SLC24A2: variants seen among roughly 807,000 people sequenced by gnomAD.
SLC24A2 encodes solute carrier family 24 member 2, also known as sodium/potassium/calcium exchanger 2.
SLC24A2 carries 36 observed loss-of-function variants against 62.0 expected under a neutral mutation model. That is an observed-to-expected ratio of 0.58 (90% CI 0.44 to 0.77). SLC24A2 has a LOEUF of 0.77. SLC24A2 is among the 30% of genes least tolerant of loss of function. The pLI is 0.00. For missense variants in SLC24A2, 846 were observed against 817.9 expected (o/e 1.03, Z -0.42); for synonymous variants, 358 against 294.0 (o/e 1.22, Z -2.23).
At chr9:20,104,959 T>C in the SLC24A2 span, among the ~76,000 whole-genome samples, 26 of 152,260 alleles carry the variant, frequency 1.7e-4, no homozygotes, top group Admixed American at 7.2e-4. Context: ...ACCCATCTCA[T>C]GTGCAGAGAC....
the SLC24A2 span, among the ~76,000 whole-genome samples, chr9:20,039,976 C>T: frequency 6.6e-6 from 1 of 152,150 alleles, no homozygotes; most frequent in Non-Finnish European, 1.5e-5. Context: ...TCATCTTTTC[C>T]GTTTCCCAGC....
At chr9:20,109,992 G>A in the SLC24A2 span, among the ~76,000 whole-genome samples, 1 of 152,110 alleles carries the variant, frequency 6.6e-6, no homozygotes, top group Non-Finnish European at 1.5e-5. Flanking sequence ...CAAAGAAACT[G>A]TGTTCTTTTT....
chr9:19,797,628 C>A, the SLC24A2 span, among the ~76,000 whole-genome samples: 1 of 152,202 alleles, frequency 6.6e-6, no homozygotes. Context: ...GTTCTCTAAG[C>A]TCTTCTCTGA....
At chr9:19,724,929 C>G (rs547211518) in intron 2 of SLC24A2, among the ~76,000 whole-genome samples, 4 of 152,220 alleles carry the variant, frequency 2.6e-5, no homozygotes, top group Admixed American at 1.3e-4. Flanking sequence ...ACCTCAAGCG[C>G]CAGTCAAATC....
chr9:19,829,701 G>A, the SLC24A2 span, among the ~76,000 whole-genome samples: 1 of 150,314 alleles, frequency 6.7e-6, no homozygotes, highest in Admixed American at 6.6e-5. Flanking sequence ...ACTGTTCCAG[G>A]CTGGATGACA....
the SLC24A2 span, among the ~76,000 whole-genome samples, chr9:20,261,803 G>T: frequency 2.4e-5 from 3 of 126,624 alleles, no homozygotes; most frequent in Non-Finnish European, 4.7e-5. Flanking sequence ...GCAGTGGCAC[G>T]ATCTCGGCTC....
the SLC24A2 span, among the ~76,000 whole-genome samples, chr9:20,193,061 C>T: frequency 6.6e-6 from 1 of 152,098 alleles, no homozygotes; most frequent in Non-Finnish European, 1.5e-5. Flanking sequence ...GGTCTAAAGT[C>T]AGAATTAAAT....
chr9:19,556,033 T>A (rs1345170888), intron 7 of SLC24A2, among the ~76,000 whole-genome samples: 2 of 152,288 alleles, frequency 1.3e-5, no homozygotes, highest in Admixed American at 6.5e-5. Flanking sequence ...CTCTTATCAA[T>A]ACCGAACATT....
chr9:20,034,504 G>A, the SLC24A2 span, among the ~76,000 whole-genome samples: 1 of 134,646 alleles, frequency 7.4e-6, no homozygotes, highest in Non-Finnish European at 1.5e-5. Flanking sequence ...CTGTCGCCCA[G>A]GCTGGAATGC....
At chr9:20,013,471 A>G in the SLC24A2 span, among the ~76,000 whole-genome samples, 1 of 152,186 alleles carries the variant, frequency 6.6e-6, no homozygotes, top group Admixed American at 6.5e-5. Flanking sequence ...GGAAGAAAAC[A>G]TGAGGGAAAT....
chr9:20,106,139 C>A, the SLC24A2 span, among the ~76,000 whole-genome samples: 1 of 152,170 alleles, frequency 6.6e-6, no homozygotes, highest in South Asian at 2.1e-4. Flanking sequence ...CCTCCCAAGA[C>A]TAAACCAGGA....
intron 9 of SLC24A2, among the ~76,000 whole-genome samples, chr9:19,522,813 T>C (rs1249415516): frequency 6.6e-6 from 1 of 152,234 alleles, no homozygotes; most frequent in African/African-American, 2.4e-5. Flanking sequence ...TTTCTGCTGA[T>C]TCTCCTAGAA....
At chr9:20,272,404 T>C in the SLC24A2 span, among the ~76,000 whole-genome samples, 7 of 152,150 alleles carry the variant, frequency 4.6e-5, no homozygotes, top group Non-Finnish European at 1.0e-4. Flanking sequence ...ACAAGTATGT[T>C]TAGCTCAGCC....
At chr9:19,845,579 G>T in the SLC24A2 span, among the ~76,000 whole-genome samples, 28 of 152,104 alleles carry the variant, frequency 1.8e-4, no homozygotes, top group African/African-American at 4.8e-4. Flanking sequence ...GGATTTGGGG[G>T]ACTTGATTTC....
chr9:20,104,129 T>G, the SLC24A2 span, among the ~76,000 whole-genome samples: 1 of 151,556 alleles, frequency 6.6e-6, no homozygotes, highest in East Asian at 1.9e-4. Flanking sequence ...TGAAATGAAG[T>G]GAGAAGGGAA....
the SLC24A2 span, among the ~76,000 whole-genome samples, chr9:19,876,447 A>T: frequency 6.6e-6 from 1 of 151,786 alleles, no homozygotes; most frequent in Non-Finnish European, 1.5e-5. Flanking sequence ...CTTGGAAACC[A>T]TATATAAGGG....
At chr9:19,961,924 G>A in the SLC24A2 span, among the ~76,000 whole-genome samples, 1 of 152,160 alleles carries the variant, frequency 6.6e-6, no homozygotes, top group East Asian at 1.9e-4. Flanking sequence ...CAGATACCCT[G>A]AACCAGAACC....
chr9:19,927,983 CT>C, the SLC24A2 span: 2 of 152,434 alleles, frequency 1.3e-5, no homozygotes, highest in Non-Finnish European at 2.9e-5. Context: ...CTGGGGGCCC[CT>C]GGGCCATTGT....
At chr9:19,831,259 G>T in the SLC24A2 span, among the ~76,000 whole-genome samples, 3 of 152,174 alleles carry the variant, frequency 2.0e-5, no homozygotes, top group East Asian at 3.8e-4. Flanking sequence ...GCTAGATTAA[G>T]TACCTTATGC....
Sources: gnomAD v4.1 joint callset for allele counts (sites outside exome capture counted in the v4.1 genomes callset) on GRCh38, gnomAD v4.1.1 for gene constraint, MANE v1.5 for transcripts, NCBI Gene and HGNC (gene_info 2026-07-23, HGNC 2026-07-21) for gene names.